Variants in MARCHF10 observed in about 807,000 individuals in gnomAD.
The protein encoded by MARCHF10 is probable E3 ubiquitin-protein ligase MARCHF10.
A neutral mutation model predicts 76.2 loss-of-function variants in MARCHF10; 64 were observed. The ratio of observed to expected loss-of-function variants is 0.84; its 90% confidence interval spans 0.69 to 1.03. MARCHF10 has a LOEUF of 1.03. Ranked by LOEUF, MARCHF10 falls within the 50% of genes least tolerant of loss-of-function variation. The probability of loss-of-function intolerance (pLI) is 0.00; values close to 1 mark genes in which losing one functional copy is unlikely to be tolerated. For synonymous variants in MARCHF10, 340 were observed against 357.5 expected, an observed-to-expected ratio of 0.95 and a Z score of 0.55; for missense variants, 875 against 958.0, an observed-to-expected ratio of 0.91 and a Z score of 1.14.
chr17:62,788,725 C>T (rs2092788014), intron 2 of MARCHF10, 126 bp from the exon 3 acceptor site: 3 of 1,297,090 alleles, frequency 2.3e-6, no homozygotes, highest in African/African-American at 1.5e-5. Flanking sequence ...CATCAAATAC[C>T]TCTCACCAAG....
intron 10 of MARCHF10, among the ~76,000 whole-genome samples, chr17:62,703,837 G>A (rs547161942): frequency 6.6e-6 from 1 of 152,364 alleles, no homozygotes; most frequent in South Asian, 2.1e-4. Context: ...CTCCGGAGAC[G>A]TCGGTCTTCC....
At chr17:62,754,504 A>G (rs1477074259) in intron 4 of MARCHF10, among the ~76,000 whole-genome samples, 1 of 152,082 alleles carries the variant, frequency 6.6e-6, no homozygotes, top group Non-Finnish European at 1.5e-5. Flanking sequence ...CTGGGGATTA[A>G]CCTTTGCCTA....
At chr17:62,795,963 T>C (rs2092977400) in intron 2 of MARCHF10, among the ~76,000 whole-genome samples, 1 of 151,788 alleles carries the variant, frequency 6.6e-6, no homozygotes, top group South Asian at 2.1e-4. Flanking sequence ...ATGGGCTGTC[T>C]ATGAGCTGAG....
chr17:62,761,127 C>T (rs142802557), intron 3 of MARCHF10, among the ~76,000 whole-genome samples: 8 of 152,334 alleles, frequency 5.3e-5, no homozygotes, highest in Non-Finnish European at 8.8e-5. Flanking sequence ...AAGTCCTCTA[C>T]TTGTCAGTCT....
chr17:62,749,737 A>G (rs1409590270), intron 4 of MARCHF10, among the ~76,000 whole-genome samples: 8 of 152,358 alleles, frequency 5.3e-5, no homozygotes, highest in African/African-American at 1.9e-4. Flanking sequence ...AGGAAAGGGA[A>G]TGTAAACATC....
At chr17:62,751,051 C>T (rs2091883551) in intron 4 of MARCHF10, among the ~76,000 whole-genome samples, 1 of 152,160 alleles carries the variant, frequency 6.6e-6, no homozygotes, top group African/African-American at 2.4e-5. Flanking sequence ...CCGGCGGGAT[C>T]ATGCGAAGGG....
chr17:62,724,197 T>C (rs2090639841), intron 7 of MARCHF10, among the ~76,000 whole-genome samples: 1 of 151,846 alleles, frequency 6.6e-6, no homozygotes, highest in South Asian at 2.1e-4. Context: ...TTTTTTTTTT[T>C]TTTTTGCTTA....
In MARCHF10 at chr17:62,722,580, C is replaced by A. The variant is rs142879393; in HGVS notation, c.2122G>T (p.Val708Leu). 6.2e-7 allele frequency: 1 copy of A among 1,613,516 alleles called. No individual in the cohort carries two copies. The highest frequency in any genetic ancestry group is 1.3e-5 in the African/African-American group (1 of 75,024). ...TGCTTACACATCTCACAGGTCTTCA[C>A]GGCACCAAGATCTGCTCCTTAAATT... The part of the protein sequence containing the change: ...KITSGADLGA[V>L]KTCEMCKQGL... Residue 708 changes from valine to leucine, a missense_variant, in exon 8 of 11, where the codon GTG (valine) becomes TTG (leucine). Physicochemically the swap from Val to Leu is conservative, Grantham distance 32 (BLOSUM62 1). Coordinates refer to ENST00000311269, the MANE Select transcript of MARCHF10 (RefSeq NM_152598.4).
chr17:62,791,273 C>T (rs997384104), intron 2 of MARCHF10, among the ~76,000 whole-genome samples: 14 of 152,138 alleles, frequency 9.2e-5, no homozygotes, highest in African/African-American at 3.1e-4. Context: ...AGAGCACTGG[C>T]GTGGAGTGTT....
chr17:62,718,730 T>C (rs1206390022), intron 8 of MARCHF10, among the ~76,000 whole-genome samples: 1 of 152,212 alleles, frequency 6.6e-6, no homozygotes, highest in Non-Finnish European at 1.5e-5. Flanking sequence ...TGAGTCGCGC[T>C]GTTTATCGTC....
At chr17:62,794,838 G>T (rs1317437786) in intron 2 of MARCHF10, among the ~76,000 whole-genome samples, 1 of 152,132 alleles carries the variant, frequency 6.6e-6, no homozygotes, top group Non-Finnish European at 1.5e-5. Context: ...TTTTGTTGTT[G>T]TTCTTGCGAT....
intron 4 of MARCHF10, among the ~76,000 whole-genome samples, chr17:62,749,193 A>C (rs1407283878): frequency 3.4e-5 from 4 of 117,122 alleles, no homozygotes; most frequent in Non-Finnish European, 3.5e-5. Flanking sequence ...AGACTTCTTA[A>C]TTTGACCAGG....
At chr17:62,804,736 A>G (rs8067624) in intron 1 of MARCHF10, among the ~76,000 whole-genome samples, 83,229 of 151,866 alleles carry the variant, frequency 0.55, 23,132 homozygotes, top group East Asian at 0.64. Flanking sequence ...CCCCTCATCT[A>G]TGGGGTCATC....
chr17:62,716,815 C>T (rs2090228232), intron 8 of MARCHF10, among the ~76,000 whole-genome samples: 1 of 152,120 alleles, frequency 6.6e-6, no homozygotes, highest in South Asian at 2.1e-4. Flanking sequence ...TGGTTTTGCC[C>T]CTTTTTTGGT....
intron 3 of MARCHF10, among the ~76,000 whole-genome samples, chr17:62,765,563 A>C (rs2092310382): frequency 6.6e-6 from 1 of 152,114 alleles, no homozygotes; most frequent in Non-Finnish European, 1.5e-5. Flanking sequence ...AGTCTTCATA[A>C]CATTCCATCA....
In MARCHF10 at chr17:62,723,559, C is replaced by CTTTTTTT. The variant is rs60456766; in HGVS notation, c.2105-969_2105-963dup. Among the ~76,000 whole-genome samples the CTTTTTTT allele has an allele frequency of 6.2e-4, 50 of 80,358 alleles. 6 individuals carry two copies. Among genetic ancestry groups the CTTTTTTT allele is most frequent in the Non-Finnish European group, 8.8e-4 (37 of 41,890 alleles). 52.7% of individuals were successfully genotyped at this position (80,358 alleles called of 152,430 possible). A position where few individuals can be genotyped will look rare whatever the true frequency, so the allele number is the denominator to read the frequency against. The stretch of plus-strand genomic sequence containing the variant: ...CCTTATCTGCATTTTGTTCGCTTGA[C>CTTTTTTT]TTTTTTTTTTTTTTTTTTTAGCGTC... On this transcript the variant is annotated intron_variant, in intron 7 of 10. Transcript: ENST00000311269.
chr17:62,720,937 G>A (rs1173030598), intron 8 of MARCHF10, among the ~76,000 whole-genome samples: 3 of 143,812 alleles, frequency 2.1e-5, no homozygotes, highest in African/African-American at 5.4e-5. Flanking sequence ...GTGCGATCTC[G>A]GCTCACTGCA....
intron 3 of MARCHF10, among the ~76,000 whole-genome samples, chr17:62,776,354 C>T (rs545295146): frequency 3.9e-5 from 6 of 152,290 alleles, no homozygotes; most frequent in South Asian, 4.1e-4. Context: ...TCTATCAACC[C>T]GGCCACATGG....
chr17:62,747,780 G>T (rs1462492474), intron 4 of MARCHF10, among the ~76,000 whole-genome samples: 7 of 152,194 alleles, frequency 4.6e-5, no homozygotes, highest in Non-Finnish European at 1.0e-4. Context: ...TTCCGGTGTA[G>T]TTCTTGTTGA....
Sources: allele counts gnomAD v4.1 joint callset (sites outside exome capture counted in the v4.1 genomes callset), GRCh38; gene constraint gnomAD v4.1.1; transcripts MANE v1.5; gene names NCBI Gene and HGNC (gene_info 2026-07-23, HGNC 2026-07-21).